USH2A: variants seen among roughly 807,000 people sequenced by gnomAD.
USH2A encodes the protein Usher syndrome 2A (autosomal recessive, mild).
In USH2A, 443 loss-of-function variants were observed where a neutral mutation model predicts 538.9. The ratio of observed to expected loss-of-function variants is 0.82; its 90% confidence interval spans 0.76 to 0.89. The LOEUF (loss-of-function observed/expected upper bound fraction) is 0.89. Among genes scored for constraint, USH2A ranks in the 40% least tolerant of loss-of-function variants. The pLI, the probability that USH2A is intolerant of heterozygous loss-of-function variation, is 0.00. For missense variants in USH2A, 6,633 were observed against 6,324.8 expected (o/e 1.05, Z -1.65); for synonymous variants, 2,413 against 2,273.5 (o/e 1.06, Z -1.75).
At chr1:215,667,066 G>T (rs1398602018) in intron 64 of USH2A, among the ~76,000 whole-genome samples, 1 of 152,094 alleles carries the variant, frequency 6.6e-6, no homozygotes, top group Non-Finnish European at 1.5e-5. Flanking sequence ...ACTCCAGCAT[G>T]GCCACAGAGT....
chr1:216,246,526 CCTAAGT>C, intron 13 of USH2A, 53 bp downstream of exon 13: 2 of 1,611,952 alleles, frequency 1.2e-6, no homozygotes, highest in Non-Finnish European at 1.7e-6. Context: ...GGAGAAGTTA[CCTAAGT>C]TAACAAAAGG....
intron 20 of USH2A, among the ~76,000 whole-genome samples, chr1:216,189,957 T>G: frequency 1.3e-5 from 2 of 152,104 alleles, no homozygotes; most frequent in East Asian, 3.9e-4. Flanking sequence ...TAGTTGTATA[T>G]TCTATATATT....
intron 19 of USH2A, among the ~76,000 whole-genome samples, chr1:216,191,991 A>G (rs1471605401): frequency 6.6e-6 from 1 of 152,104 alleles, no homozygotes; most frequent in Non-Finnish European, 1.5e-5. Context: ...CAGAACTTGC[A>G]GCATAAAATT....
chr1:215,817,322 A>G, intron 47 of USH2A, 127 bp from the exon 48 acceptor site: 1 of 458,636 alleles, frequency 2.2e-6, no homozygotes, highest in Non-Finnish European at 3.3e-6. Context: ...TTTATATATG[A>G]AATCATATAT....
chr1:215,732,644 C>A (rs1660037891), intron 60 of USH2A, among the ~76,000 whole-genome samples: 2 of 144,468 alleles, frequency 1.4e-5, no homozygotes, highest in South Asian at 4.4e-4. Flanking sequence ...CAGGTTCACG[C>A]CATTCTCCTG....
chr1:216,292,291 C>T lies in USH2A; in HGVS notation c.1724G>A (p.Cys575Tyr), dbSNP rs483353054. 5.6e-6 allele frequency: 9 copies of T among 1,613,878 alleles called. No homozygotes were observed. The highest frequency in any genetic ancestry group is 5.0e-5 in the Admixed American group (3 of 59,998). Reference sequence around the variant, plus strand: ...GCTTTTGGAATGGCTGTTGCATTGACAAGGTTTACAATTGAAAGCGTAAAC... The same window carrying T: ...GCTTTTGGAATGGCTGTTGCATTGATAAGGTTTACAATTGAAAGCGTAAAC... ...DQVYAFNCKP[C>Y]QCNSHSKSCH... is the part of the protein sequence containing the mutation. Residue 575 changes from cysteine (C) to tyrosine (Y), a missense_variant, in exon 10 of 72, where the codon TGT (cysteine) becomes TAT (tyrosine). Transcript: ENST00000307340.
intron 37 of USH2A, among the ~76,000 whole-genome samples, chr1:215,950,337 T>C (rs1332158822): frequency 2.0e-5 from 3 of 152,130 alleles, no homozygotes; most frequent in Non-Finnish European, 4.4e-5. Flanking sequence ...TATGAGTTTT[T>C]TGTGTGTAAT....
At chr1:216,349,247 C>T (rs1164722907) in intron 4 of USH2A, among the ~76,000 whole-genome samples, 1 of 152,038 alleles carries the variant, frequency 6.6e-6, no homozygotes, top group Non-Finnish European at 1.5e-5. Flanking sequence ...ATCATCACCC[C>T]TATTCAGCTT....
chr1:216,259,149 C>T (rs2036316363), intron 11 of USH2A, among the ~76,000 whole-genome samples: 1 of 152,088 alleles, frequency 6.6e-6, no homozygotes, highest in African/African-American at 2.4e-5. Flanking sequence ...ACTACACTTT[C>T]TTACAAACTC....
chr1:216,224,695 A>T (rs1417767393), intron 14 of USH2A, among the ~76,000 whole-genome samples: 1 of 152,166 alleles, frequency 6.6e-6, no homozygotes, highest in Non-Finnish European at 1.5e-5. Context: ...AATACAAAAA[A>T]CTGTGTAGCA....
chr1:215,695,247 T>C (rs770594984), intron 61 of USH2A, among the ~76,000 whole-genome samples: 21 of 152,208 alleles, frequency 1.4e-4, no homozygotes, highest in Non-Finnish European at 2.5e-4. Context: ...TGATATAAGA[T>C]GGAGAAGGGC....
At chr1:215,774,468 T>C (rs947304188) in intron 55 of USH2A, among the ~76,000 whole-genome samples, 1 of 151,718 alleles carries the variant, frequency 6.6e-6, no homozygotes, top group Non-Finnish European at 1.5e-5. Flanking sequence ...CTGGAATAAA[T>C]ATAACAACAA....
At chr1:216,231,260 A>ATATATG in intron 14 of USH2A, among the ~76,000 whole-genome samples, 1 of 89,808 alleles carries the variant, frequency 1.1e-5, no homozygotes, top group South Asian at 3.6e-4. Context: ...TATATATATA[A>ATATATG]TATATATATA....
intron 3 of USH2A, among the ~76,000 whole-genome samples, chr1:216,411,985 C>CCA (rs2039497656): frequency 6.6e-6 from 1 of 152,110 alleles, no homozygotes; most frequent in African/African-American, 2.4e-5. Flanking sequence ...GTAGCACTTA[C>CCA]CACAATTATA....
Position 215,909,905 on chromosome 1 carries a change from G to A in USH2A, c.7301-9000C>T, listed in dbSNP as rs78498446. Among the ~76,000 whole-genome samples, 514 of 152,022 alleles carry A rather than the reference G, an allele frequency of 3.4e-3. 4 individuals carry two copies. The highest frequency in any genetic ancestry group is 0.012 in the African/African-American group (495 of 41,516). On this transcript the variant is annotated intron_variant, in intron 38 of 71. Transcript: ENST00000307340. ...ACTCCTAAGCTTCTGGTCTAAGGGA[G>A]GGACACTTGGTGTAGGAAGAAAAAA...
chr1:216,294,257 A>G (rs1434501856), intron 9 of USH2A, among the ~76,000 whole-genome samples: 3 of 152,160 alleles, frequency 2.0e-5, no homozygotes, highest in Non-Finnish European at 4.4e-5. Flanking sequence ...TATAAAACAA[A>G]GGCAGGAGGT....
intron 60 of USH2A, among the ~76,000 whole-genome samples, chr1:215,733,981 C>T (rs577864977): frequency 8.5e-5 from 13 of 152,334 alleles, no homozygotes; most frequent in South Asian, 2.1e-4. Context: ...CAACAGACAG[C>T]GCCCTGATGG....
chr1:216,035,883 A>T (rs2029920701), intron 32 of USH2A, among the ~76,000 whole-genome samples: 1 of 152,158 alleles, frequency 6.6e-6, no homozygotes. Flanking sequence ...AAAATAAATA[A>T]TGGCATAATA....
At chr1:216,177,084 G>A (rs752508424) in intron 20 of USH2A, among the ~76,000 whole-genome samples, 15 of 152,132 alleles carry the variant, frequency 9.9e-5, no homozygotes, top group African/African-American at 1.4e-4. Flanking sequence ...ATACCAAGAA[G>A]TGCAATTGCT....
Sources: allele counts gnomAD v4.1 joint callset (sites outside exome capture counted in the v4.1 genomes callset), GRCh38; gene constraint gnomAD v4.1.1; transcripts MANE v1.5; gene names NCBI Gene and HGNC (gene_info 2026-07-23, HGNC 2026-07-21).